GLIS1: variants seen among roughly 807,000 people sequenced by gnomAD.
GLIS1 encodes GLIS family zinc finger 1, also known as zinc finger protein GLIS1.
GLIS1 carries 24 observed loss-of-function variants against 63.8 expected under a neutral mutation model. The ratio of observed to expected loss-of-function variants is 0.38; its 90% CI spans 0.27 to 0.53. The LOEUF (loss-of-function observed/expected upper bound fraction) is 0.53, where lower values mean the gene tolerates loss of function less well. GLIS1 is among the 20% of genes least tolerant of loss of function. The probability of loss-of-function intolerance (pLI) is 0.85; values close to 1 mark genes in which losing one functional copy is unlikely to be tolerated. For synonymous variants in GLIS1, 450 were observed against 482.5 expected (o/e 0.93, Z 0.88); for missense variants, 1,036 against 1,074.1 (o/e 0.96, Z 0.50).
intron 4 of GLIS1, among the ~76,000 whole-genome samples, chr1:53,569,895 A>G (rs1644968703): frequency 6.6e-6 from 1 of 152,174 alleles, no homozygotes. Context: ...GATATATAAT[A>G]CATATATAGA....
At chr1:53,727,446 C>T (rs1306484197) in intron 2 of GLIS1, among the ~76,000 whole-genome samples, 1 of 152,254 alleles carries the variant, frequency 6.6e-6, no homozygotes, top group Non-Finnish European at 1.5e-5. Flanking sequence ...TAAGGTTCCT[C>T]TTCATCTTAG....
At chr1:53,688,418 T>C (rs1646365291) in intron 2 of GLIS1, among the ~76,000 whole-genome samples, 1 of 152,124 alleles carries the variant, frequency 6.6e-6, no homozygotes, top group African/African-American at 2.4e-5. Context: ...AGCCAGGGAC[T>C]AGGGACTACA....
rs1230164533 is a variant in GLIS1, at chr1:53,646,800, A to C, written c.260-46522T>G. ...ATTCCAGCCTGGGCAACAGAGCAAG[A>C]CTCTGTCTCAAAAAAGAAAGAAGAA... is the stretch of plus-strand genomic sequence containing the variant. On this transcript the variant is annotated intron_variant, in intron 2 of 10. Coordinates refer to ENST00000628545, the MANE Select transcript of GLIS1 (RefSeq NM_001367484.1). The surrounding 1 kb of genome is among the most constrained non-coding windows in gnomAD (Gnocchi z 4.2). Among the ~76,000 whole-genome samples, 1 of 151,574 alleles carries C rather than the reference A, an allele frequency of 6.6e-6. No individual in the cohort carries two copies. The highest frequency in any genetic ancestry group is 1.5e-5 in the Non-Finnish European group (1 of 67,896).
chr1:53,557,184 A>G (rs963655982), intron 4 of GLIS1, among the ~76,000 whole-genome samples: 11 of 152,134 alleles, frequency 7.2e-5, no homozygotes, highest in African/African-American at 2.7e-4. Flanking sequence ...GCCCACAGCC[A>G]TGGCTGGGAC....
chr1:53,573,354 T>TG (rs1012260461), intron 4 of GLIS1, among the ~76,000 whole-genome samples: 1 of 151,892 alleles, frequency 6.6e-6, no homozygotes, highest in Non-Finnish European at 1.5e-5. Flanking sequence ...ACAGTGGCGG[T>TG]GGGGGGAGAC....
At chr1:53,658,714 A>G (rs1259535706) in intron 2 of GLIS1, among the ~76,000 whole-genome samples, 1 of 152,108 alleles carries the variant, frequency 6.6e-6, no homozygotes, top group Non-Finnish European at 1.5e-5. Context: ...TGCTGCTCAC[A>G]TGCCTGGCTC....
chr1:53,650,026 T>C (rs1569985915), intron 2 of GLIS1, among the ~76,000 whole-genome samples: 3 of 152,276 alleles, frequency 2.0e-5, no homozygotes, highest in South Asian at 4.1e-4. Flanking sequence ...AAAATCAACA[T>C]AGAATCACAG....
intron 2 of GLIS1, among the ~76,000 whole-genome samples, chr1:53,701,911 T>C (rs1229686112): frequency 6.8e-6 from 1 of 147,054 alleles, no homozygotes; most frequent in African/African-American, 2.5e-5. Context: ...GAGAATCACC[T>C]GAACCCGAGA....
rs1644873032 is a variant in GLIS1 at position 53,560,294 on chromosome 1, C to T, written c.1321-30342G>A. On this transcript the variant is annotated intron_variant, in intron 4 of 10. Transcript: ENST00000628545. This position sits in a 1 kb window ranked among gnomAD's most constrained non-coding sequence, Gnocchi z 4.4. ...GTGTTGACTCATCTCTGTCCCAGCACTGAGGGAAGACAAGGAGCCCTAGGG... is the reference window on the plus strand; with the variant it reads ...GTGTTGACTCATCTCTGTCCCAGCATTGAGGGAAGACAAGGAGCCCTAGGG... 6.6e-6 allele frequency among the ~76,000 whole-genome samples: 1 copy of T among 152,308 alleles called. No individual in the cohort carries two copies. The highest frequency in any genetic ancestry group is 1.5e-5 in the Non-Finnish European group (1 of 68,012).
chr1:53,705,434 C>T (rs929848575), intron 2 of GLIS1, among the ~76,000 whole-genome samples: 7 of 152,172 alleles, frequency 4.6e-5, no homozygotes, highest in African/African-American at 1.7e-4. Context: ...GTCAATGTTG[C>T]CAAAAGCAAA....
intron 7 of GLIS1, among the ~76,000 whole-genome samples, chr1:53,518,845 G>A (rs183479658): frequency 3.3e-5 from 5 of 152,222 alleles, no homozygotes; most frequent in Admixed American, 6.5e-5. Flanking sequence ...GTCCCTTCTC[G>A]CTGGGACAAG....
Position 53,593,271 on chromosome 1 carries a change from T to C in GLIS1, c.1320+837A>G, listed in dbSNP as rs552255184. 3.3e-5 allele frequency among the ~76,000 whole-genome samples: 5 copies of C among 152,376 alleles called. No homozygotes were observed. In the South Asian group the frequency reaches 1.0e-3, roughly 32 times the overall value. ...TGGGCAGGCACCTCTCCTAGTGGGC[T>C]GGCTGTGCCTCGGAGGTAGCACAGC... is the stretch of plus-strand genomic sequence containing the variant. On this transcript the variant is annotated intron_variant, in intron 4 of 10. Transcript: ENST00000628545.
At chr1:53,687,973 C>T (rs1170175338) in intron 2 of GLIS1, among the ~76,000 whole-genome samples, 3 of 152,218 alleles carry the variant, frequency 2.0e-5, no homozygotes, top group Non-Finnish European at 1.5e-5. Context: ...CCTAGCCCCA[C>T]CTCAAGCCCG....
rs1285208017 is a variant in GLIS1 at position 53,598,158 on chromosome 1, A to T, written c.437+1943T>A. Among the ~76,000 whole-genome samples, 1 of 152,212 alleles carries T rather than the reference A, an allele frequency of 6.6e-6. No individual in the cohort carries two copies. The highest frequency in any genetic ancestry group is 1.5e-5 in the Non-Finnish European group (1 of 68,042). The stretch of plus-strand genomic sequence containing the variant: ...CATTGAAGCCCTAACATCCAGTTTG[A>T]CTGTGTTTGGAGACAGAGCCTTTAA... On this transcript the variant is annotated intron_variant, in intron 3 of 10. Transcript: ENST00000628545. This position sits in a 1 kb window ranked among gnomAD's most constrained non-coding sequence, Gnocchi z 4.6.
chr1:53,660,125 T>C (rs142744542), intron 2 of GLIS1, among the ~76,000 whole-genome samples: 1,604 of 152,312 alleles, frequency 0.011, 18 homozygotes, highest in African/African-American at 0.037. Context: ...AGCCACCTTG[T>C]TGGCAGCCCT....
intron 2 of GLIS1, among the ~76,000 whole-genome samples, chr1:53,653,452 GCTGT>G (rs1557504019): frequency 2.6e-5 from 4 of 151,986 alleles, no homozygotes; most frequent in Non-Finnish European, 5.9e-5. Context: ...CTCTCCACTC[GCTGT>G]CTATTTCTCT....
chr1:53,656,314 G>A (rs1383747943), intron 2 of GLIS1, among the ~76,000 whole-genome samples: 1 of 152,188 alleles, frequency 6.6e-6, no homozygotes, highest in Non-Finnish European at 1.5e-5. Flanking sequence ...CCTCTCATCA[G>A]GAGTCTGCAT....
chr1:53,550,171 G>C (rs1162229469), intron 4 of GLIS1, among the ~76,000 whole-genome samples: 5 of 152,140 alleles, frequency 3.3e-5, no homozygotes, highest in Non-Finnish European at 7.3e-5. Context: ...GCTCAAATTG[G>C]GTGGAAAAGG....
chr1:53,686,534 T>G (rs1449777094), intron 2 of GLIS1, among the ~76,000 whole-genome samples: 2 of 152,136 alleles, frequency 1.3e-5, no homozygotes, highest in Non-Finnish European at 2.9e-5. Flanking sequence ...GAGGCACAGA[T>G]GAATCAGATC....
Sources: gnomAD v4.1 joint callset for allele counts (sites outside exome capture counted in the v4.1 genomes callset) on GRCh38, gnomAD v4.1.1 for gene constraint, Gnocchi (gnomAD v3.1) non-coding constraint, MANE v1.5 for transcripts, NCBI Gene and HGNC (gene_info 2026-07-23, HGNC 2026-07-21) for gene names.